The following FHIP1A variants were observed in gnomAD, a reference collection of about 807,000 sequenced individuals.
FHIP1A encodes the protein FHF complex subunit HOOK-interacting protein 1A.
FHIP1A carries 61 observed loss-of-function variants against 88.6 expected under a neutral mutation model. That is an observed-to-expected ratio of 0.69 (90% CI 0.56 to 0.85). The LOEUF is 0.85. Ranked by LOEUF, FHIP1A falls within the 40% of genes least tolerant of loss-of-function variation. The pLI is 0.00. For missense variants in FHIP1A, 1,154 were observed against 1,273.5 expected, an observed-to-expected ratio of 0.91 and a Z score of 1.43; for synonymous variants, 478 against 496.0, an observed-to-expected ratio of 0.96 and a Z score of 0.48.
intron 1 of FHIP1A, among the ~76,000 whole-genome samples, chr4:151,440,661 G>T (rs1444123191): frequency 6.6e-6 from 1 of 152,134 alleles, no homozygotes; most frequent in South Asian, 2.1e-4. Flanking sequence ...TAGCAGTACA[G>T]TGTCACACAA....
chr4:151,590,930 T>C (rs1401218451), intron 7 of FHIP1A, among the ~76,000 whole-genome samples: 1 of 152,226 alleles, frequency 6.6e-6, no homozygotes, highest in Non-Finnish European at 1.5e-5. Context: ...CGAATGTTAC[T>C]GTATTAGGTT....
At chr4:151,657,572 G>C (rs1737295102) in intron 13 of FHIP1A, among the ~76,000 whole-genome samples, 1 of 152,188 alleles carries the variant, frequency 6.6e-6, no homozygotes, top group African/African-American at 2.4e-5. Context: ...CCTTATTTAA[G>C]CTCTGGTTGG....
intron 2 of FHIP1A, among the ~76,000 whole-genome samples, chr4:151,472,753 G>A (rs976527648): frequency 6.6e-6 from 1 of 151,592 alleles, no homozygotes; most frequent in African/African-American, 2.4e-5. Context: ...ACATTCAAAA[G>A]GCAGAAATAT....
intron 8 of FHIP1A, among the ~76,000 whole-genome samples, chr4:151,637,647 A>G (rs1471729347): frequency 6.6e-6 from 1 of 152,186 alleles, no homozygotes; most frequent in Non-Finnish European, 1.5e-5. Context: ...AGGTTTCTTA[A>G]GGGAGGCGAT....
chr4:151,620,800 G>A (rs1735710076), intron 7 of FHIP1A, among the ~76,000 whole-genome samples: 1 of 149,102 alleles, frequency 6.7e-6, no homozygotes. Context: ...GGGAGATAAT[G>A]GTACCAAACG....
At chr4:151,526,586 G>T (rs1403980643) in intron 3 of FHIP1A, among the ~76,000 whole-genome samples, 1 of 134,870 alleles carries the variant, frequency 7.4e-6, no homozygotes, top group Non-Finnish European at 1.6e-5. Context: ...CTCACCTCCC[G>T]GACGGGGCGG....
chr4:151,411,343 A>ATTCTTTT lies in FHIP1A; in HGVS notation c.-356+1879_-356+1880insTCTTTTT, dbSNP rs370374898. Among the ~76,000 whole-genome samples, 91 of 112,230 alleles carry ATTCTTTT rather than the reference A, an allele frequency of 8.1e-4. 6 individuals are homozygous for ATTCTTTT. Among genetic ancestry groups the ATTCTTTT allele is most frequent in the Middle Eastern group, 4.8e-3 (1 of 208 alleles). The allele number at this position is 112,230 out of a possible 152,430, so 73.6% of individuals were successfully genotyped here. ...AATTGCCTCTGAGGAGTGAAATTATATATATATTTTTTTTTTTTTAAAGTT... is the reference window on the plus strand; with the variant it reads ...AATTGCCTCTGAGGAGTGAAATTATATTCTTTTTATATATTTTTTTTTTTTTAAAGTT... On this transcript the variant is annotated intron_variant, in intron 1 of 13. Transcript: ENST00000435205.
At chr4:151,532,637 G>A (rs554023882) in intron 3 of FHIP1A, among the ~76,000 whole-genome samples, 24 of 152,278 alleles carry the variant, frequency 1.6e-4, no homozygotes, top group East Asian at 1.5e-3. Flanking sequence ...CTGGGATGGC[G>A]GTGGAGTCAG....
chr4:151,487,404 C>T (rs1350793271), intron 3 of FHIP1A, among the ~76,000 whole-genome samples: 1 of 152,094 alleles, frequency 6.6e-6, no homozygotes, highest in East Asian at 1.9e-4. Context: ...ATGTTCTTCC[C>T]TCAGGGCCTG....
chr4:151,586,185 G>A (rs772069490), intron 5 of FHIP1A, among the ~76,000 whole-genome samples: 10 of 152,102 alleles, frequency 6.6e-5, no homozygotes, highest in Middle Eastern at 3.4e-3. Flanking sequence ...TTCTGTCCTG[G>A]ACCACCTCAA....
At chr4:151,607,649 G>T (rs1306954490) in intron 7 of FHIP1A, among the ~76,000 whole-genome samples, 1 of 152,194 alleles carries the variant, frequency 6.6e-6, no homozygotes, top group East Asian at 1.9e-4. Flanking sequence ...TTTGAGTCTA[G>T]TTCTTTGCTA....
chr4:151,412,810 G>A (rs1418542238), intron 1 of FHIP1A, among the ~76,000 whole-genome samples: 2 of 150,016 alleles, frequency 1.3e-5, no homozygotes, highest in Admixed American at 1.3e-4. Context: ...TCAGCCTCCC[G>A]AGTAGCTAGG....
chr4:151,423,602 C>A (rs1385179033), intron 1 of FHIP1A, among the ~76,000 whole-genome samples: 1 of 152,134 alleles, frequency 6.6e-6, no homozygotes, highest in African/African-American at 2.4e-5. Context: ...AATGCCCATA[C>A]AGGGAGTTTC....
chr4:151,645,729 A>G (rs747970163), intron 9 of FHIP1A, among the ~76,000 whole-genome samples: 2 of 151,580 alleles, frequency 1.3e-5, no homozygotes, highest in South Asian at 2.1e-4. Context: ...AATAAGCAGT[A>G]TGTTTTTTTT....
intron 7 of FHIP1A, among the ~76,000 whole-genome samples, chr4:151,622,522 C>A (rs934645109): frequency 6.6e-6 from 1 of 152,170 alleles, no homozygotes; most frequent in African/African-American, 2.4e-5. Flanking sequence ...TGAGACACCC[C>A]TTCAGTAAGT....
chr4:151,450,721 A>G (rs1026332680), intron 1 of FHIP1A, among the ~76,000 whole-genome samples: 5 of 152,272 alleles, frequency 3.3e-5, no homozygotes, highest in Admixed American at 6.5e-5. Context: ...ATATTTGTAC[A>G]TATGAATGAC....
chr4:151,565,875 T>C (rs72728182), intron 3 of FHIP1A, among the ~76,000 whole-genome samples: 43,217 of 151,566 alleles, frequency 0.29, 6,393 homozygotes, highest in Non-Finnish European at 0.33. Context: ...TTTTGGGGGG[T>C]TGTGGCTGGT....
intron 3 of FHIP1A, among the ~76,000 whole-genome samples, chr4:151,498,522 A>G (rs1730541057): frequency 6.6e-6 from 1 of 152,136 alleles, no homozygotes; most frequent in African/African-American, 2.4e-5. Context: ...GTATCCTTAA[A>G]AATGAAATTT....
At chr4:151,601,724 A>G (rs1287381949) in intron 7 of FHIP1A, among the ~76,000 whole-genome samples, 2 of 151,416 alleles carry the variant, frequency 1.3e-5, no homozygotes, top group Admixed American at 6.6e-5. Flanking sequence ...TGAGTAAGAG[A>G]TCTGGGTTCT....
Sources: gnomAD v4.1 joint callset for allele counts (sites outside exome capture counted in the v4.1 genomes callset) on GRCh38, gnomAD v4.1.1 for gene constraint, MANE v1.5 for transcripts, NCBI Gene and HGNC (gene_info 2026-07-23, HGNC 2026-07-21) for gene names.